The following TNFRSF21 variants were observed in gnomAD, a reference collection of about 807,000 sequenced individuals.
TNFRSF21 encodes TNF receptor superfamily member 21.
TNFRSF21 carries 19 observed loss-of-function variants against 45.6 expected under a neutral mutation model. The observed-to-expected ratio is 0.42, with a 90% CI of 0.29 to 0.61. The LOEUF is 0.61. Ranked by LOEUF, TNFRSF21 falls within the 20% of genes least tolerant of loss-of-function variation. The probability of loss-of-function intolerance (pLI) is 0.23; values close to 1 mark genes in which losing one functional copy is unlikely to be tolerated. For missense variants in TNFRSF21, 737 were observed against 851.5 expected (o/e 0.87, Z 1.67); for synonymous variants, 314 against 335.5 (o/e 0.94, Z 0.70).
At chr6:47,243,429 G>A (rs1188303703) in intron 4 of TNFRSF21, among the ~76,000 whole-genome samples, 2 of 151,888 alleles carry the variant, frequency 1.3e-5, no homozygotes, top group African/African-American at 4.8e-5. Context: ...ACATACTGTT[G>A]TTTTTTTGGT....
intron 1 of TNFRSF21, among the ~76,000 whole-genome samples, chr6:47,297,510 C>CTTTTTTTCT (rs1762804394): frequency 8.5e-6 from 1 of 117,476 alleles, no homozygotes; most frequent in Non-Finnish European, 1.7e-5. Context: ...TCTCTTTTTA[C>CTTTTTTTCT]TTTTTTTTTT....
At chr6:47,302,591 C>T (rs1209972185) in intron 1 of TNFRSF21, among the ~76,000 whole-genome samples, 1 of 152,202 alleles carries the variant, frequency 6.6e-6, no homozygotes, top group Non-Finnish European at 1.5e-5. Context: ...CCAATGACTG[C>T]ACACCCTTCC....
intron 3 of TNFRSF21, among the ~76,000 whole-genome samples, chr6:47,276,175 T>G (rs546653019): frequency 5.0e-4 from 76 of 152,274 alleles, no homozygotes; most frequent in African/African-American, 1.8e-3. Flanking sequence ...TGGCTCCAGT[T>G]TGGCAAAGAG....
intron 3 of TNFRSF21, among the ~76,000 whole-genome samples, chr6:47,280,421 T>C (rs1432007809): frequency 1.3e-5 from 2 of 152,220 alleles, no homozygotes; most frequent in African/African-American, 2.4e-5. Context: ...CTCTTTGTAA[T>C]AGGATTTTAC....
At chr6:47,261,054 A>G (rs548709032) in intron 3 of TNFRSF21, among the ~76,000 whole-genome samples, 6 of 152,270 alleles carry the variant, frequency 3.9e-5, no homozygotes, top group African/African-American at 1.4e-4. Context: ...TACACATGGA[A>G]GACGGGAGAC....
rs1220230136 is a variant in TNFRSF21 at position 47,232,599 on chromosome 6, C to T, written c.*166G>A. The T allele has an allele frequency of 3.4e-6, 2 of 591,282 alleles. No homozygotes were observed. Among genetic ancestry groups the T allele is most frequent in the African/African-American group, 3.8e-5 (2 of 52,330 alleles). The allele number at this position is 591,282 out of a possible 1,614,324, so 36.6% of individuals were successfully genotyped here. A position where few individuals can be genotyped will look rare whatever the true frequency, so the allele number is the denominator to read the frequency against. ...GAGAGAGAGAGAAGGAGAAAGAACTCAAGCACTGGCCATATTCTCTGTTAA... is the reference window on the plus strand; with the variant it reads ...GAGAGAGAGAGAAGGAGAAAGAACTTAAGCACTGGCCATATTCTCTGTTAA... On this transcript the variant is annotated 3_prime_UTR_variant, in exon 6 of 6. Transcript: ENST00000296861.
chr6:47,239,854 T>C (rs1413705500), intron 4 of TNFRSF21, among the ~76,000 whole-genome samples: 1 of 152,116 alleles, frequency 6.6e-6, no homozygotes, highest in African/African-American at 2.4e-5. Flanking sequence ...ATTCTCCTCA[T>C]GCCCTAATCC....
chr6:47,302,210 T>C (rs557809323), intron 1 of TNFRSF21, among the ~76,000 whole-genome samples: 145 of 152,248 alleles, frequency 9.5e-4, no homozygotes, highest in African/African-American at 3.3e-3. Flanking sequence ...CACAAACACA[T>C]GACCTCTGAC....
At chr6:47,294,939 A>C (rs1455693656) in intron 1 of TNFRSF21, among the ~76,000 whole-genome samples, 2 of 152,232 alleles carry the variant, frequency 1.3e-5, no homozygotes, top group Non-Finnish European at 2.9e-5. Context: ...CCTAGTTTAA[A>C]CTTTAGTTAT....
chr6:47,301,868 G>T (rs1762868392), intron 1 of TNFRSF21, among the ~76,000 whole-genome samples: 1 of 152,092 alleles, frequency 6.6e-6, no homozygotes, highest in Non-Finnish European at 1.5e-5. Flanking sequence ...TTCCTTTATA[G>T]CATCGCAAAA....
At chr6:47,280,032 T>C (rs867916905) in intron 3 of TNFRSF21, among the ~76,000 whole-genome samples, 5 of 152,186 alleles carry the variant, frequency 3.3e-5, no homozygotes, top group Admixed American at 2.6e-4. Flanking sequence ...TTAAAAACTA[T>C]AAGTCCATGG....
At chr6:47,300,706 C>T (rs78295900) in intron 1 of TNFRSF21, among the ~76,000 whole-genome samples, 12 of 152,156 alleles carry the variant, frequency 7.9e-5, no homozygotes, top group African/African-American at 2.9e-4. Context: ...GCTGTTTCCT[C>T]CCTCTGGGCC....
rs138934985 is a variant in TNFRSF21 at position 47,258,996 on chromosome 6, G to T, written c.1244-5475C>A. Among the ~76,000 whole-genome samples the T allele has an allele frequency of 1.6e-4, 24 of 152,314 alleles. No individual in the cohort carries two copies. The East Asian group carries it at 4.4e-3, about 28-fold the overall frequency. Reference sequence around the variant, plus strand: ...ATGGCCCACGGGCTGTAGTTCACCAGCCCCTGCAATTACAGCAATTTAAAG... The same window carrying T: ...ATGGCCCACGGGCTGTAGTTCACCATCCCCTGCAATTACAGCAATTTAAAG... On this transcript the variant is annotated intron_variant, in intron 3 of 5. Transcript: ENST00000296861.
chr6:47,308,385 T>G (rs1762968708), intron 1 of TNFRSF21, among the ~76,000 whole-genome samples: 1 of 152,200 alleles, frequency 6.6e-6, no homozygotes, highest in African/African-American at 2.4e-5. Flanking sequence ...TTGGGGGTTT[T>G]TTTGTTCGGT....
intron 3 of TNFRSF21, among the ~76,000 whole-genome samples, chr6:47,257,600 G>A (rs1400871666): frequency 6.6e-6 from 1 of 152,188 alleles, no homozygotes; most frequent in Non-Finnish European, 1.5e-5. Flanking sequence ...AAAAGCAGGA[G>A]GACGATTTGC....
intron 1 of TNFRSF21, among the ~76,000 whole-genome samples, chr6:47,303,068 G>A (rs1255270298): frequency 1.3e-5 from 2 of 152,226 alleles, no homozygotes; most frequent in East Asian, 3.9e-4. Context: ...TCCCCTCTGG[G>A]CTTTCAGAGC....
chr6:47,301,009 A>G (rs1664274015), intron 1 of TNFRSF21, among the ~76,000 whole-genome samples: 1 of 152,250 alleles, frequency 6.6e-6, no homozygotes, highest in African/African-American at 2.4e-5. Context: ...CATAAATACT[A>G]TAAACAAAGG....
In TNFRSF21 at chr6:47,234,914, T is replaced by C. The variant is rs972222204; in HGVS notation, c.1510-16A>G. On this transcript the variant is annotated splice_polypyrimidine_tract_variant and intron_variant, in intron 4 of 5. Coordinates refer to ENST00000296861, the MANE Select transcript of TNFRSF21 (RefSeq NM_014452.5). ...CAGTTTCCAGCTGTAGGAGGGAAAA[T>C]TTTTTTTTATTATATATAGAAAAAA... The C allele has an allele frequency of 4.7e-6, 6 of 1,285,122 alleles. No homozygotes were observed. Among genetic ancestry groups the C allele is most frequent in the Non-Finnish European group, 5.0e-6 (5 of 998,048 alleles). 79.6% of individuals were successfully genotyped at this position (1,285,122 alleles called of 1,614,324 possible).
chr6:47,284,809 ATCC>A lies in TNFRSF21; in HGVS notation c.749-380_749-378del, dbSNP rs1178198829. Among the ~76,000 whole-genome samples, 6 of 152,316 alleles carry A rather than the reference ATCC, an allele frequency of 3.9e-5. No individual in the cohort carries two copies. The South Asian group carries it at 1.0e-3, about 26-fold the overall frequency. On this transcript the variant is annotated intron_variant, in intron 2 of 5. Transcript: ENST00000296861. ...CAGTTCAAATTTAATTATTTTGTCC[ATCC>A]TCCTTCTCCCACCTTTTGACTATTT...
Sources: gnomAD v4.1 joint callset for allele counts (sites outside exome capture counted in the v4.1 genomes callset) on GRCh38, gnomAD v4.1.1 for gene constraint, MANE v1.5 for transcripts, NCBI Gene and HGNC (gene_info 2026-07-23, HGNC 2026-07-21) for gene names.